The following FSCN2 variants were observed in gnomAD, a reference collection of about 807,000 sequenced individuals.
FSCN2 encodes fascin actin-bundling protein 2, retinal.
Under a neutral mutation model 37.8 loss-of-function variants are expected in FSCN2, and 46 were observed. The observed-to-expected ratio is 1.22, with a 90% confidence interval of 0.96 to 1.56. FSCN2 has a LOEUF of 1.56. Among genes scored for constraint, FSCN2 ranks in the 40% most tolerant of loss-of-function variants. The probability of loss-of-function intolerance (pLI) is 0.00; values close to 1 mark genes in which losing one functional copy is unlikely to be tolerated. For missense variants in FSCN2, 844 were observed against 730.4 expected, an observed-to-expected ratio of 1.16 and a Z score of -1.79; for synonymous variants, 351 against 309.4, an observed-to-expected ratio of 1.13 and a Z score of -1.41.
upstream of FSCN2, among the ~76,000 whole-genome samples, chr17:81,525,441 G>A (rs1224687199): frequency 5.2e-5 from 5 of 96,566 alleles, no homozygotes; most frequent in African/African-American, 1.3e-4. Flanking sequence ...AAAAAAAAAA[G>A]GCTGTGCCTG....
chr17:81,531,246 A>ATGGTGATGGTGGTGATGGTGG (rs1568076910), intron 1 of FSCN2, among the ~76,000 whole-genome samples: 187 of 29,618 alleles, frequency 6.3e-3, no homozygotes, highest in African/African-American at 0.015. Flanking sequence ...GGTGGTGATG[A>ATGGTGATGGTGGTGATGGTGG]TGGTGATGGT....
the FSCN2 span, among the ~76,000 whole-genome samples, chr17:81,516,953 A>AGACCAGGTCT: frequency 1.3e-5 from 2 of 152,106 alleles, no homozygotes; most frequent in African/African-American, 4.8e-5. Context: ...AATTCTCACC[A>AGACCAGGTCT]CTGGAGGAGA....
intron 2 of FSCN2, among the ~76,000 whole-genome samples, 189 bp downstream of exon 2, chr17:81,535,397 C>G (rs1440906945): frequency 7.1e-6 from 1 of 140,124 alleles, no homozygotes; most frequent in Admixed American, 6.9e-5. Context: ...CCATCCCCAT[C>G]ATCACCATCC....
the FSCN2 span, among the ~76,000 whole-genome samples, chr17:81,519,436 C>T: frequency 6.6e-6 from 1 of 152,202 alleles, no homozygotes; most frequent in African/African-American, 2.4e-5. Context: ...AGCTCGGAGG[C>T]CTGGGGCCGG....
chr17:81,528,409 A>T lies in FSCN2; in HGVS notation c.-123A>T. On this transcript the variant is annotated 5_prime_UTR_variant, in exon 1 of 5. Coordinates refer to ENST00000417245, the MANE Select transcript of FSCN2 (RefSeq NM_012418.4). ...GGTCAGAGCAGGCAGGGGGTTCGTG[A>T]CGCCGGCTGGGTCTGGGGGCTGTGG... 1 of 715,744 alleles carries T rather than the reference A, an allele frequency of 1.4e-6. No individual in the cohort carries two copies. Among genetic ancestry groups the T allele is most frequent in the Non-Finnish European group, 2.3e-6 (1 of 434,018 alleles). The allele number at this position is 715,744 out of a possible 1,614,324, so 44.3% of individuals were successfully genotyped here.
chr17:81,517,747 A>G, the FSCN2 span, among the ~76,000 whole-genome samples: 1 of 81,154 alleles, frequency 1.2e-5, no homozygotes, highest in East Asian at 3.1e-4. Context: ...ACCCCACCCC[A>G]GGAGCTCCGG....
chr17:81,518,456 G>A, the FSCN2 span, among the ~76,000 whole-genome samples: 4 of 152,114 alleles, frequency 2.6e-5, no homozygotes, highest in East Asian at 7.7e-4. Flanking sequence ...GAATAGAGAG[G>A]GAGGAGTTCC....
Position 81,529,107 on chromosome 17 carries a change from C to T in FSCN2, c.576C>T (p.Arg192=), listed in dbSNP as rs781863268. The T allele has an allele frequency of 2.5e-6, 4 of 1,587,508 alleles. No individual in the cohort carries two copies. The South Asian group carries it at 4.6e-5, about 18-fold the overall frequency. Residue 192 remains arginine (R), a synonymous_variant, in exon 1 of 5, where the codon CGC becomes CGT. Coordinates refer to ENST00000417245, the MANE Select transcript of FSCN2 (RefSeq NM_012418.4). ...RRYCLKSCDS[R]YLRSDGRLVW... ...ACTGCCTCAAGTCCTGTGACAGCCG[C>T]TACCTGCGCAGCGACGGCCGTCTGG... is the stretch of plus-strand genomic sequence containing the variant.
rs1457812691 is a variant in FSCN2, at chr17:81,536,204, A to G, written c.1042A>G (p.Ser348Gly). The G allele has an allele frequency of 3.1e-6, 5 of 1,601,008 alleles. No individual in the cohort carries two copies. Among genetic ancestry groups the G allele is most frequent in the Non-Finnish European group, 4.3e-6 (5 of 1,174,074 alleles). ...WRGRRVALKASNGRYVCMKKN... is the reference protein window; with the variant it reads ...WRGRRVALKAGNGRYVCMKKN... ...TGGCCGGCGGGTAGCACTCAAAGCCAGCAACGGGCGCTACGTGTGCATGAA... is the reference window on the plus strand; with the variant it reads ...TGGCCGGCGGGTAGCACTCAAAGCCGGCAACGGGCGCTACGTGTGCATGAA... Residue 348 changes from serine to glycine, a missense_variant, in exon 3 of 5, where the codon AGC becomes GGC. By Grantham distance (56) the Ser-to-Gly change is moderately conservative. Transcript: ENST00000417245.
At chr17:81,519,761 G>A in the FSCN2 span, among the ~76,000 whole-genome samples, 1 of 152,178 alleles carries the variant, frequency 6.6e-6, no homozygotes, top group Non-Finnish European at 1.5e-5. Flanking sequence ...GGATGAGGGG[G>A]TGGCCCGGGC....
At position 81,529,164 on chromosome 17, in the gene FSCN2, G is replaced by A. The variant is rs75815349; in HGVS notation, c.633G>A (p.Thr211=). Residue 211 remains threonine, a synonymous_variant, in exon 1 of 5, where the codon ACG becomes ACA. Transcript: ENST00000417245. The stretch of plus-strand genomic sequence containing the variant: ...AGCCTGAGCCCCGTGCCTGCTACAC[G>A]CTGGAGTTCAAGGCGGGCAAGCTGG... The part of the protein sequence containing the change: ...VWEPEPRACY[T]LEFKAGKLAF... 2.7e-3 allele frequency: 4,297 copies of A among 1,589,392 alleles called. 145 individuals are homozygous for A. In the East Asian group the frequency reaches 0.084, roughly 31 times the overall value.
intron 1 of FSCN2, among the ~76,000 whole-genome samples, chr17:81,533,457 C>T (rs2032761456): frequency 1.3e-5 from 2 of 152,330 alleles, no homozygotes; most frequent in Non-Finnish European, 2.9e-5. Flanking sequence ...ACCTCCTCAC[C>T]GAACCACTCT....
In FSCN2 at chr17:81,536,178, G is replaced by A. The variant is rs762654798; in HGVS notation, c.1016G>A (p.Arg339His). The change falls in exon 3 of 5, where the codon CGT becomes CAT. Residue 339 changes from arginine (R) to histidine (H), a missense_variant. By Grantham distance (29) the Arg-to-His change is conservative. Transcript: ENST00000417245. ...SANTMFEMEWRGRRVALKASN... is the reference protein window; with the variant it reads ...SANTMFEMEWHGRRVALKASN... Reference sequence around the variant, plus strand: ...AACACCATGTTTGAGATGGAGTGGCGTGGCCGGCGGGTAGCACTCAAAGCC... The same window carrying A: ...AACACCATGTTTGAGATGGAGTGGCATGGCCGGCGGGTAGCACTCAAAGCC... The A allele has an allele frequency of 1.1e-5, 17 of 1,605,014 alleles. No homozygotes were observed. Among genetic ancestry groups the A allele is most frequent in the Admixed American group, 5.1e-5 (3 of 58,984 alleles).
In FSCN2 at chr17:81,528,493, C is replaced by T. The variant is rs2075720; in HGVS notation, c.-39C>T. The T allele has an allele frequency of 0.79, 1,147,298 of 1,461,494 alleles. 452,270 individuals carry two copies. Among genetic ancestry groups the T allele is most frequent in the Non-Finnish European group, 0.8 (856,680 of 1,068,700 alleles). The allele number at this position is 1,461,494 out of a possible 1,614,324, so 90.5% of individuals were successfully genotyped here. A position where few individuals can be genotyped will look rare whatever the true frequency, so the allele number is the denominator to read the frequency against. On this transcript the variant is annotated 5_prime_UTR_variant, in exon 1 of 5. Coordinates refer to ENST00000417245, the MANE Select transcript of FSCN2 (RefSeq NM_012418.4). ...GCGGGGGCCGTGAGCACTCAGAGGG[C>T]GCATCCCAGGCCCCTCCGGGGACCC...
Position 81,529,028 on chromosome 17 carries a change from A to C in FSCN2, c.497A>C (p.Asp166Ala). 1 of 1,588,368 alleles carries C rather than the reference A, an allele frequency of 6.3e-7. No homozygotes were observed. The highest frequency in any genetic ancestry group is 8.5e-7 in the Non-Finnish European group (1 of 1,171,358). Residue 166 changes from aspartate (D) to alanine (A), a missense_variant, in exon 1 of 5, where the codon GAC becomes GCC. Asp to Ala is a moderately radical substitution (Grantham distance 126). Coordinates refer to ENST00000417245, the MANE Select transcript of FSCN2 (RefSeq NM_012418.4). ...GAGGACGAGATGGCCGCAGACGGAGACAAGCCCTGGGGCGTGGACGCCCTC... is the reference window on the plus strand; with the variant it reads ...GAGGACGAGATGGCCGCAGACGGAGCCAAGCCCTGGGGCGTGGACGCCCTC... The part of the protein sequence containing the change: ...PREDEMAADG[D>A]KPWGVDALLT...
intron 1 of FSCN2, among the ~76,000 whole-genome samples, chr17:81,529,948 T>C (rs1358958751): frequency 1.3e-5 from 2 of 152,242 alleles, no homozygotes; most frequent in East Asian, 1.9e-4. Flanking sequence ...TAGCTGGGAC[T>C]ACAGGCGCCC....
Position 81,537,119 on chromosome 17 carries a change from G to C in FSCN2, c.*39G>C, listed in dbSNP as rs908690732. On this transcript the variant is annotated 3_prime_UTR_variant, in exon 5 of 5. Coordinates refer to ENST00000417245, the MANE Select transcript of FSCN2 (RefSeq NM_012418.4). ...CCAGCCTGTCGCGCATTAAAACCGTGTCTCTCCCGCAGCTGTGGGTGGGCC... is the reference window on the plus strand; with the variant it reads ...CCAGCCTGTCGCGCATTAAAACCGTCTCTCTCCCGCAGCTGTGGGTGGGCC... The C allele has an allele frequency of 1.3e-5, 17 of 1,357,968 alleles. No homozygotes were observed. The African/African-American group carries it at 2.0e-4, about 16-fold the overall frequency. 84.1% of individuals were successfully genotyped at this position (1,357,968 alleles called of 1,614,324 possible).
chr17:81,524,893 T>TCACACATACACACACACA (rs2032301097), upstream of FSCN2, among the ~76,000 whole-genome samples: 1 of 122,712 alleles, frequency 8.1e-6, no homozygotes, highest in African/African-American at 2.8e-5. Context: ...ATGAGCACCT[T>TCACACATACACACACACA]CACACACACA....
At chr17:81,517,698 C>A in the FSCN2 span, among the ~76,000 whole-genome samples, 1 of 151,972 alleles carries the variant, frequency 6.6e-6, no homozygotes. Context: ...CAGAGCCGCA[C>A]GGAGTGGGGA....
Sources: gnomAD v4.1 joint callset for allele counts (sites outside exome capture counted in the v4.1 genomes callset) on GRCh38, gnomAD v4.1.1 for gene constraint, MANE v1.5 for transcripts, NCBI Gene and HGNC (gene_info 2026-07-23, HGNC 2026-07-21) for gene names.